Variants in SASS6 observed in about 807,000 individuals in gnomAD.
SASS6 encodes spindle assembly abnormal protein 6 homolog.
In SASS6, 59 loss-of-function variants were observed where a neutral mutation model predicts 94.9. That is an observed-to-expected ratio of 0.62 (90% confidence interval 0.50 to 0.77). SASS6 has a LOEUF of 0.77. Ranked by LOEUF, SASS6 falls within the 30% of genes least tolerant of loss-of-function variation. SASS6 has a pLI of 0.00. For missense variants in SASS6, 698 were observed against 734.1 expected, an observed-to-expected ratio of 0.95 and a Z score of 0.57; for synonymous variants, 264 against 270.0, an observed-to-expected ratio of 0.98 and a Z score of 0.22.
chr1:100,117,486 C>A (rs1653886482), intron 7 of SASS6, among the ~76,000 whole-genome samples: 1 of 151,686 alleles, frequency 6.6e-6, no homozygotes, highest in South Asian at 2.1e-4. Context: ...CTCATCTCTA[C>A]TAAAAATACT....
At chr1:100,117,945 A>G (rs926280881) in intron 7 of SASS6, among the ~76,000 whole-genome samples, 1 of 152,270 alleles carries the variant, frequency 6.6e-6, no homozygotes, top group Admixed American at 6.5e-5. Context: ...AGTTGTATTA[A>G]AAGATGCTTA....
intron 7 of SASS6, among the ~76,000 whole-genome samples, chr1:100,110,752 T>C (rs934930439): frequency 1.6e-4 from 25 of 151,944 alleles, no homozygotes; most frequent in African/African-American, 5.1e-4. Flanking sequence ...CATATATGTT[T>C]AGGTGCAACA....
At chr1:100,130,496 T>C (rs1237035773) in intron 1 of SASS6, among the ~76,000 whole-genome samples, 1 of 152,040 alleles carries the variant, frequency 6.6e-6, no homozygotes, top group Non-Finnish European at 1.5e-5. Flanking sequence ...GCCTGGGCAA[T>C]ACAGGGAGAC....
intron 2 of SASS6, among the ~76,000 whole-genome samples, chr1:100,124,906 C>G (rs534585217): frequency 7.9e-5 from 12 of 152,166 alleles, no homozygotes; most frequent in African/African-American, 2.9e-4. Context: ...GACTCTAATG[C>G]CACCACTGAT....
At chr1:100,121,760 G>GA (rs1339482644) in intron 4 of SASS6, among the ~76,000 whole-genome samples, 2 of 151,988 alleles carry the variant, frequency 1.3e-5, no homozygotes, top group African/African-American at 4.8e-5. Context: ...ACAAATGAGA[G>GA]AAAAAGCAAA....
At chr1:100,116,985 T>C (rs1043223224) in intron 7 of SASS6, among the ~76,000 whole-genome samples, 1 of 151,994 alleles carries the variant, frequency 6.6e-6, no homozygotes, top group Non-Finnish European at 1.5e-5. Flanking sequence ...AAAACAACAA[T>C]AAAATGTAAT....
chr1:100,131,585 T>C (rs1022228505), intron 1 of SASS6, among the ~76,000 whole-genome samples: 1 of 152,200 alleles, frequency 6.6e-6, no homozygotes, highest in Non-Finnish European at 1.5e-5. Flanking sequence ...TTCAAATGTC[T>C]AATAACCACA....
At chr1:100,090,130 T>C (rs992892660) in intron 14 of SASS6, among the ~76,000 whole-genome samples, 17 of 151,316 alleles carry the variant, frequency 1.1e-4, no homozygotes, top group Non-Finnish European at 1.9e-4. Flanking sequence ...TGAAATAAAA[T>C]GCACAAAACT....
intron 7 of SASS6, among the ~76,000 whole-genome samples, 188 bp from the exon 8 acceptor site, chr1:100,110,671 G>A (rs1178544453): frequency 3.3e-5 from 5 of 151,276 alleles, no homozygotes; most frequent in East Asian, 1.9e-4. Flanking sequence ...ATTTCATGAC[G>A]GAGAAAGCAA....
At chr1:100,086,151 C>G (rs1251863619) in intron 15 of SASS6, among the ~76,000 whole-genome samples, 1 of 152,056 alleles carries the variant, frequency 6.6e-6, no homozygotes, top group East Asian at 1.9e-4. Flanking sequence ...CCCCTTTCTA[C>G]CACTGCCATC....
chr1:100,117,825 T>C (rs933976530), intron 7 of SASS6, among the ~76,000 whole-genome samples: 8 of 130,762 alleles, frequency 6.1e-5, no homozygotes, highest in Admixed American at 5.6e-4. Context: ...TGGCAAATAT[T>C]AAGAATTAAG....
intron 14 of SASS6, among the ~76,000 whole-genome samples, chr1:100,092,314 G>T (rs1162282056): frequency 6.6e-6 from 1 of 151,968 alleles, no homozygotes; most frequent in Non-Finnish European, 1.5e-5. Context: ...TTAAGGAAAA[G>T]GATTATGAAT....
In SASS6 at chr1:100,119,060, C is replaced by T. The variant is rs369635710; in HGVS notation, c.627G>A (p.Lys209=). The T allele has an allele frequency of 1.3e-6, 2 of 1,590,894 alleles. No homozygotes were observed. Among genetic ancestry groups the T allele is most frequent in the East Asian group, 2.2e-5 (1 of 44,526 alleles). The part of the protein sequence containing the change: ...WASHTAALTN[K]HSQELTNEKE... ...TTTCATTTGTCAGTTCCTGAGAATGCTTGTTTGTCAAGGCTGCTGTATGTG... is the reference window on the plus strand; with the variant it reads ...TTTCATTTGTCAGTTCCTGAGAATGTTTGTTTGTCAAGGCTGCTGTATGTG... The change falls in exon 7 of 17, where the codon AAG becomes AAA. Residue 209 remains lysine (K), a synonymous_variant. Transcript: ENST00000287482.
At chr1:100,116,565 CA>C (rs1269179999) in intron 7 of SASS6, among the ~76,000 whole-genome samples, 1 of 151,932 alleles carries the variant, frequency 6.6e-6, no homozygotes, top group East Asian at 1.9e-4. Flanking sequence ...CATGTGTCCA[CA>C]AAAAGATAAG....
chr1:100,091,611 G>C (rs1032422420), intron 14 of SASS6, among the ~76,000 whole-genome samples: 3 of 113,992 alleles, frequency 2.6e-5, no homozygotes, highest in African/African-American at 1.0e-4. Context: ...CTGTTCAAAT[G>C]AATGTAAAAA....
intron 14 of SASS6, among the ~76,000 whole-genome samples, chr1:100,096,276 C>T (rs1188898396): frequency 2.6e-5 from 4 of 152,130 alleles, no homozygotes; most frequent in Non-Finnish European, 5.9e-5. Context: ...GGTGCTTAGA[C>T]AATTCAACAG....
chr1:100,096,286 G>C (rs1019630096), intron 14 of SASS6, among the ~76,000 whole-genome samples: 3 of 152,134 alleles, frequency 2.0e-5, no homozygotes, highest in African/African-American at 7.2e-5. Flanking sequence ...CAATTCAACA[G>C]AGAAAAAGAC....
chr1:100,119,139 T>C lies in SASS6; in HGVS notation c.550-2A>G. ...TTCTTGTTTTTTTTCTGCTAATGTCTACATTAGAGTTTAACACAAAATATT... is the reference window on the plus strand; with the variant it reads ...TTCTTGTTTTTTTTCTGCTAATGTCCACATTAGAGTTTAACACAAAATATT... On this transcript the variant is annotated splice_acceptor_variant, in intron 6 of 16. Coordinates refer to ENST00000287482, the MANE Select transcript of SASS6 (RefSeq NM_194292.3). LOFTEE classifies it high-confidence loss of function. 6.7e-7 allele frequency: 1 copy of C among 1,501,836 alleles called. No individual in the cohort carries two copies. Among genetic ancestry groups the C allele is most frequent in the Non-Finnish European group, 9.1e-7 (1 of 1,098,186 alleles). 93.0% of individuals were successfully genotyped at this position (1,501,836 alleles called of 1,614,324 possible).
At chr1:100,131,530 C>A (rs756025491) in intron 1 of SASS6, among the ~76,000 whole-genome samples, 1 of 152,132 alleles carries the variant, frequency 6.6e-6, no homozygotes, top group Non-Finnish European at 1.5e-5. Context: ...AAAAATCCAA[C>A]GTGCATTTTC....
Sources: gnomAD v4.1 joint callset for allele counts (sites outside exome capture counted in the v4.1 genomes callset) on GRCh38, gnomAD v4.1.1 for gene constraint, MANE v1.5 for transcripts, NCBI Gene and HGNC (gene_info 2026-07-23, HGNC 2026-07-21) for gene names.